THSD4: variants seen among roughly 807,000 people sequenced by gnomAD.
The protein encoded by THSD4 is thrombospondin type 1 domain containing 4.
A neutral mutation model predicts 119.0 loss-of-function variants in THSD4; 69 were observed. The ratio of observed to expected loss-of-function variants is 0.58; its 90% confidence interval spans 0.48 to 0.71. The LOEUF is 0.71. Ranked by LOEUF, THSD4 falls within the 30% of genes least tolerant of loss-of-function variation. THSD4 has a pLI of 0.00. For synonymous variants in THSD4, 524 were observed against 540.4 expected (o/e 0.97, Z 0.42); for missense variants, 1,393 against 1,391.1 (o/e 1.00, Z -0.02).
chr15:71,154,035 A>G (rs1380440373), intron 2 of THSD4, among the ~76,000 whole-genome samples: 1 of 151,480 alleles, frequency 6.6e-6, no homozygotes, highest in Non-Finnish European at 1.5e-5. Flanking sequence ...GGTCAGCTCT[A>G]CTCCTTCCCT....
At chr15:71,299,781 A>G (rs922143198) in intron 6 of THSD4, among the ~76,000 whole-genome samples, 1 of 152,100 alleles carries the variant, frequency 6.6e-6, no homozygotes, top group African/African-American at 2.4e-5. Flanking sequence ...TACATGTGCC[A>G]TAACACATAT....
chr15:71,399,111 C>T (rs1468919993), intron 6 of THSD4, among the ~76,000 whole-genome samples: 1 of 151,856 alleles, frequency 6.6e-6, no homozygotes, highest in Admixed American at 6.6e-5. Context: ...TCTTTGGGTT[C>T]CAGAGTGGAG....
chr15:71,692,170 A>T (rs2052066996), intron 8 of THSD4, among the ~76,000 whole-genome samples: 1 of 152,244 alleles, frequency 6.6e-6, no homozygotes. Flanking sequence ...GTTCCAGAAC[A>T]TCTAGGCACA....
intron 6 of THSD4, among the ~76,000 whole-genome samples, chr15:71,293,058 C>CA (rs1176201652): frequency 2.6e-5 from 4 of 152,138 alleles, no homozygotes; most frequent in African/African-American, 9.7e-5. Context: ...TTGTGTTAAC[C>CA]CTGCCTTTCT....
rs2053306693 is a variant in THSD4, at chr15:71,744,995, A to T, written c.1907-111A>T. The stretch of plus-strand genomic sequence containing the variant: ...GTGCATGCATGTGTGAATTGTCCTC[A>T]CTGTTTCTGTGCCCTCTCTTCATCA... On this transcript the variant is annotated intron_variant, in intron 11 of 17. Transcript: ENST00000261862. 2.1e-6 allele frequency: 3 copies of T among 1,399,942 alleles called. No homozygotes were observed. The African/African-American group carries it at 4.3e-5, about 20-fold the overall frequency. 86.7% of individuals were successfully genotyped at this position (1,399,942 alleles called of 1,614,324 possible).
intron 1 of THSD4, among the ~76,000 whole-genome samples, chr15:71,099,667 T>C (rs992775072): frequency 1.3e-4 from 20 of 152,238 alleles, no homozygotes; most frequent in Non-Finnish European, 4.4e-5. Flanking sequence ...TATATTATTA[T>C]ATTTAAAGTG....
Position 71,407,887 on chromosome 15 carries a change from G to A in THSD4, c.1016-3800G>A, listed in dbSNP as rs562458234. On this transcript the variant is annotated intron_variant, in intron 6 of 17. Coordinates refer to ENST00000261862, the MANE Select transcript of THSD4 (RefSeq NM_024817.3). ...AAGAATTTGCATTTTCAGCAAGTAC[G>A]CAGGTGATGCTGGTGCTGCCAGTCC... Among the ~76,000 whole-genome samples, 8 of 152,296 alleles carry A rather than the reference G, an allele frequency of 5.3e-5. No individual in the cohort carries two copies. The South Asian group carries it at 1.0e-3, about 20-fold the overall frequency.
intron 7 of THSD4, among the ~76,000 whole-genome samples, chr15:71,415,435 T>C (rs1304681466): frequency 6.6e-6 from 1 of 152,242 alleles, no homozygotes; most frequent in African/African-American, 2.4e-5. Flanking sequence ...TATATATTTA[T>C]AGAGTACATG....
intron 8 of THSD4, among the ~76,000 whole-genome samples, chr15:71,715,031 G>A (rs1400564684): frequency 3.3e-5 from 5 of 152,086 alleles, no homozygotes; most frequent in African/African-American, 9.7e-5. Context: ...GACATAAGTG[G>A]GTCAGTCTTG....
rs375820681 is a variant in THSD4, at chr15:71,737,722, C to T, written c.1631-10C>T. ...TCCTGATTCTGTGTGTGCACGCTCA[C>T]CTCTCCTAGGGGAACCCTTCAATGG... On this transcript the variant is annotated splice_polypyrimidine_tract_variant and intron_variant, in intron 10 of 17. Transcript: ENST00000261862. 7 of 1,595,106 alleles carry T rather than the reference C, an allele frequency of 4.4e-6. No individual in the cohort carries two copies. In the African/African-American group the frequency reaches 9.4e-5, roughly 21 times the overall value.
chr15:71,363,516 T>G (rs4776551), intron 6 of THSD4, among the ~76,000 whole-genome samples: 31,400 of 152,124 alleles, frequency 0.21, 3,941 homozygotes, highest in East Asian at 0.55. Flanking sequence ...TAGAATAGAG[T>G]AACCCAGGCT....
At chr15:71,577,008 TAATA>T (rs2049459533) in intron 7 of THSD4, among the ~76,000 whole-genome samples, 1 of 151,894 alleles carries the variant, frequency 6.6e-6, no homozygotes, top group South Asian at 2.1e-4. Context: ...ATGTTTTATA[TAATA>T]AATGGTATTT....
chr15:71,457,195 A>C (rs2047351791), intron 7 of THSD4, among the ~76,000 whole-genome samples: 1 of 152,026 alleles, frequency 6.6e-6, no homozygotes, highest in African/African-American at 2.4e-5. Context: ...CAGCCTGGGC[A>C]ACATGGTGAA....
intron 7 of THSD4, among the ~76,000 whole-genome samples, chr15:71,526,810 A>C (rs184839495): frequency 1.3e-5 from 2 of 152,216 alleles, no homozygotes; most frequent in African/African-American, 4.8e-5. Context: ...GATTCAACCT[A>C]GAATAGATTC....
intron 7 of THSD4, among the ~76,000 whole-genome samples, chr15:71,601,654 G>A (rs2050013077): frequency 6.6e-6 from 1 of 152,228 alleles, no homozygotes; most frequent in South Asian, 2.1e-4. Flanking sequence ...CTTCAGATTT[G>A]TGAATCACAA....
chr15:71,278,830 G>A (rs745639874), intron 6 of THSD4, among the ~76,000 whole-genome samples: 2 of 152,160 alleles, frequency 1.3e-5, no homozygotes, highest in South Asian at 2.1e-4. Context: ...CTGGCAGGGC[G>A]ACCATAGATT....
At chr15:71,731,498 G>T in intron 10 of THSD4, 2 of 396,970 alleles carry the variant, frequency 5.0e-6, no homozygotes, top group Non-Finnish European at 4.8e-6. Context: ...TAGTTTCCAG[G>T]CCAGACAAGG....
chr15:71,327,353 G>T (rs539032325), intron 6 of THSD4, among the ~76,000 whole-genome samples: 1 of 152,036 alleles, frequency 6.6e-6, no homozygotes, highest in African/African-American at 2.4e-5. Flanking sequence ...AACCTTAGCC[G>T]CCTTCCACCA....
intron 7 of THSD4, among the ~76,000 whole-genome samples, chr15:71,614,812 C>T (rs2050293152): frequency 6.6e-6 from 1 of 152,152 alleles, no homozygotes; most frequent in African/African-American, 2.4e-5. Context: ...GGGATGATTA[C>T]TTCCTTCTTT....
Sources: gnomAD v4.1 joint callset for allele counts (sites outside exome capture counted in the v4.1 genomes callset) on GRCh38, gnomAD v4.1.1 for gene constraint, MANE v1.5 for transcripts, NCBI Gene and HGNC (gene_info 2026-07-23, HGNC 2026-07-21) for gene names.